Variants in ALG6 observed in about 807,000 individuals in gnomAD.
ALG6 encodes dolichyl pyrophosphate Man9GlcNAc2 alpha-1,3-glucosyltransferase.
A neutral mutation model predicts 66.6 loss-of-function variants in ALG6; 46 were observed. The ratio of observed to expected loss-of-function variants is 0.69; its 90% CI spans 0.55 to 0.88. The LOEUF (loss-of-function observed/expected upper bound fraction) is 0.88. ALG6 is among the 40% of genes least tolerant of loss of function. The pLI is 0.00. For missense variants in ALG6, 505 were observed against 586.8 expected (o/e 0.86, Z 1.44); for synonymous variants, 185 against 203.7 (o/e 0.91, Z 0.78).
intron 2 of ALG6, among the ~76,000 whole-genome samples, chr1:63,388,020 G>A (rs1007718909): frequency 3.7e-4 from 57 of 152,068 alleles, no homozygotes; most frequent in Non-Finnish European, 2.9e-4. Context: ...CTGTTCAAGC[G>A]ATTCTCTTGC....
chr1:63,422,135 A>AAC (rs1457069518), intron 12 of ALG6, among the ~76,000 whole-genome samples: 3 of 55,936 alleles, frequency 5.4e-5, no homozygotes, highest in African/African-American at 7.1e-5. Flanking sequence ...AAATAAATAT[A>AAC]TAAATATATA....
intron 14 of ALG6, among the ~76,000 whole-genome samples, chr1:63,436,505 A>G (rs985770088): frequency 3.9e-5 from 6 of 152,078 alleles, no homozygotes; most frequent in African/African-American, 1.2e-4. Flanking sequence ...TGTCCCAGAT[A>G]CCTTTGTTCA....
chr1:63,411,354 A>C, intron 8 of ALG6, 23 bp downstream of exon 8: 1 of 1,605,386 alleles, frequency 6.2e-7, no homozygotes, highest in Admixed American at 1.7e-5. Flanking sequence ...TAAACACTAG[A>C]ATCCAAAAAT....
Position 63,422,238 on chromosome 1 carries a change from T to TATATTTATATAG in ALG6, c.1058+2802_1058+2803insTTATATAGATAT, listed in dbSNP as rs1553156444. The stretch of plus-strand genomic sequence containing the variant: ...ATATATTTATATAAATATAAATATA[T>TATATTTATATAG]ATATAAATATATATATTTATATAGA... On this transcript the variant is annotated intron_variant, in intron 12 of 14. Coordinates refer to ENST00000263440, the MANE Select transcript of ALG6 (RefSeq NM_013339.4). Among the ~76,000 whole-genome samples, 691 of 71,724 alleles carry TATATTTATATAG rather than the reference T, an allele frequency of 9.6e-3. 39 individuals are homozygous for TATATTTATATAG. The highest frequency in any genetic ancestry group is 0.011 in the Non-Finnish European group (457 of 40,476). The allele number at this position is 71,724 out of a possible 152,430, so 47.1% of individuals were successfully genotyped here.
At chr1:63,371,913 C>A (rs1337803546) in intron 2 of ALG6, among the ~76,000 whole-genome samples, 6 of 152,122 alleles carry the variant, frequency 3.9e-5, no homozygotes, top group Non-Finnish European at 7.4e-5. Context: ...AGAGGGCCCA[C>A]ATTTTAATAG....
At chr1:63,406,979 T>A (rs932759116) in intron 6 of ALG6, 83 bp from the exon 7 acceptor site, 2 of 980,784 alleles carry the variant, frequency 2.0e-6, no homozygotes, top group African/African-American at 3.2e-5. Context: ...CATTTGCTAA[T>A]GTGTTAGATA....
At chr1:63,434,395 T>G (rs750442974) in intron 14 of ALG6, among the ~76,000 whole-genome samples, 12 of 152,020 alleles carry the variant, frequency 7.9e-5, no homozygotes, top group Non-Finnish European at 1.8e-4. Context: ...TGAAGGAACT[T>G]TGTGTGTGGT....
Position 63,416,193 on chromosome 1 carries a change from A to G in ALG6, c.987+236A>G, listed in dbSNP as rs369745267. Among the ~76,000 whole-genome samples, 204 of 152,334 alleles carry G rather than the reference A, an allele frequency of 1.3e-3. 7 individuals are homozygous for G. The South Asian group carries it at 0.041, about 31-fold the overall frequency. On this transcript the variant is annotated intron_variant, in intron 11 of 14. Coordinates refer to ENST00000263440, the MANE Select transcript of ALG6 (RefSeq NM_013339.4). ...GTTTCGTATTAGTTAATGAGGGACT[A>G]CAAAGTAGAAAACAGTGGCAATGAA...
At chr1:63,372,646 G>A (rs1032495863) in intron 2 of ALG6, among the ~76,000 whole-genome samples, 1 of 152,012 alleles carries the variant, frequency 6.6e-6, no homozygotes, top group African/African-American at 2.4e-5. Flanking sequence ...GAGAATAAAT[G>A]TGTATGTGTC....
At chr1:63,388,437 G>A (rs1648572092) in intron 2 of ALG6, among the ~76,000 whole-genome samples, 1 of 152,142 alleles carries the variant, frequency 6.6e-6, no homozygotes, top group Non-Finnish European at 1.5e-5. Flanking sequence ...AATACTGATT[G>A]TAAAAACTAA....
chr1:63,397,970 T>C (rs745419639), intron 3 of ALG6, among the ~76,000 whole-genome samples: 9 of 152,236 alleles, frequency 5.9e-5, no homozygotes, highest in Non-Finnish European at 1.2e-4. Flanking sequence ...ATGTTAGCTC[T>C]GGTTATAGCA....
intron 3 of ALG6, among the ~76,000 whole-genome samples, chr1:63,398,182 T>C (rs1276196538): frequency 1.3e-5 from 2 of 152,218 alleles, no homozygotes; most frequent in South Asian, 4.1e-4. Context: ...GAACTTCATA[T>C]TGAGTTTTCT....
intron 14 of ALG6, among the ~76,000 whole-genome samples, chr1:63,431,184 T>C (rs1312809549): frequency 6.6e-6 from 1 of 152,214 alleles, no homozygotes; most frequent in Non-Finnish European, 1.5e-5. Context: ...TCTGTTCCAT[T>C]GATCTATATG....
rs78225697 is a variant in ALG6, at chr1:63,429,002, G to T, written c.1202G>T (p.Cys401Phe). 1 of 1,611,824 alleles carries T rather than the reference G, an allele frequency of 6.2e-7. No homozygotes were observed. The highest frequency in any genetic ancestry group is 2.2e-5 in the East Asian group (1 of 44,726). Residue 401 changes from cysteine to phenylalanine, a missense_variant, in exon 14 of 15, where the codon TGT becomes TTT. Physicochemically the swap from Cys to Phe is radical, Grantham distance 205. Coordinates refer to ENST00000263440, the MANE Select transcript of ALG6 (RefSeq NM_013339.4). ...ACAACAATGGCATTTTTTATAGCTT[G>T]TGTAACTTCCTTTTCAATATTTGAA... ...VVTTMAFFIA[C>F]VTSFSIFEKT... is the part of the protein sequence containing the mutation.
intron 2 of ALG6, chr1:63,371,345 A>G (rs1361481211): frequency 7.7e-6 from 3 of 391,140 alleles, no homozygotes; most frequent in African/African-American, 4.1e-5. Context: ...AAAATGAGCT[A>G]GCACTTCAAG....
At chr1:63,390,092 G>A (rs556564817) in intron 2 of ALG6, among the ~76,000 whole-genome samples, 2 of 152,174 alleles carry the variant, frequency 1.3e-5, no homozygotes, top group Non-Finnish European at 2.9e-5. Context: ...GATTCCTGCC[G>A]ATGTTCACTC....
chr1:63,411,797 G>A, intron 8 of ALG6, 129 bp from the exon 9 acceptor site: 1 of 1,274,930 alleles, frequency 7.8e-7, no homozygotes, highest in South Asian at 1.2e-5. Flanking sequence ...CCCATCTTAA[G>A]CCTATATTGG....
intron 11 of ALG6, among the ~76,000 whole-genome samples, chr1:63,417,708 C>G (rs1374220940): frequency 6.6e-6 from 1 of 152,120 alleles, no homozygotes; most frequent in Non-Finnish European, 1.5e-5. Context: ...CCTCTAGGTA[C>G]TGGCATGTAA....
At chr1:63,397,148 A>G (rs1336910335) in intron 3 of ALG6, among the ~76,000 whole-genome samples, 3 of 151,984 alleles carry the variant, frequency 2.0e-5, no homozygotes, top group Non-Finnish European at 4.4e-5. Flanking sequence ...TAGACCCTCA[A>G]TAAAAATCTG....
Sources: gnomAD v4.1 joint callset for allele counts (sites outside exome capture counted in the v4.1 genomes callset) on GRCh38, gnomAD v4.1.1 for gene constraint, MANE v1.5 for transcripts, NCBI Gene and HGNC (gene_info 2026-07-23, HGNC 2026-07-21) for gene names.